Variants in RP1 observed in about 807,000 individuals in gnomAD.
The protein encoded by RP1 is RP1 axonemal microtubule associated, also known as oxygen-regulated protein 1.
RP1 carries 16 observed loss-of-function variants against 14.8 expected under a neutral mutation model. That is an observed-to-expected ratio of 1.08 (90% CI 0.73 to 1.65). The LOEUF (loss-of-function observed/expected upper bound fraction) is 1.65. Among genes scored for constraint, RP1 ranks in the 40% most tolerant of loss-of-function variants. RP1 has a pLI of 0.00. For missense variants in RP1, 2,631 were observed against 2,535.0 expected (o/e 1.04, Z -0.81); for synonymous variants, 876 against 883.6 (o/e 0.99, Z 0.15).
Position 54,809,371 on chromosome 8 carries a change from A to T in RP1, c.3615+25661A>T, listed in dbSNP as rs149489655. ...ATGTATATGCTTCCAAAAGAGGCCA[A>T]ATTCTCACAGGATATCAAAATAGCC... On this transcript the variant is annotated intron_variant, in intron 24 of 28. Transcript: ENST00000637698. Among the ~76,000 whole-genome samples the T allele has an allele frequency of 3.0e-3, 457 of 152,346 alleles. 3 individuals carry two copies. The highest frequency in any genetic ancestry group is 0.011 in the African/African-American group (438 of 41,584).
intron 14 of RP1, among the ~76,000 whole-genome samples, chr8:54,705,282 A>G (rs1304760159): frequency 1.3e-5 from 2 of 152,230 alleles, no homozygotes; most frequent in African/African-American, 2.4e-5. Context: ...AAATTGGCTA[A>G]GCAAAGAGAC....
intron 1 of RP1, among the ~76,000 whole-genome samples, chr8:54,606,136 T>C (rs1805435737): frequency 6.6e-6 from 1 of 152,146 alleles, no homozygotes; most frequent in Admixed American, 6.5e-5. Flanking sequence ...TCTTCCTAAC[T>C]TTGATGGTCC....
intron 24 of RP1, among the ~76,000 whole-genome samples, chr8:54,795,724 T>C (rs1311669528): frequency 6.6e-6 from 1 of 152,196 alleles, no homozygotes. Flanking sequence ...TCTTTATTTG[T>C]GGACTTGATC....
chr8:54,819,928 G>T (rs1811217451), intron 24 of RP1, among the ~76,000 whole-genome samples: 1 of 152,062 alleles, frequency 6.6e-6, no homozygotes, highest in Non-Finnish European at 1.5e-5. Flanking sequence ...ATATAGTACT[G>T]GGTCTCACGC....
At chr8:54,575,752 C>A (rs1445843998) in intron 1 of RP1, among the ~76,000 whole-genome samples, 1 of 152,006 alleles carries the variant, frequency 6.6e-6, no homozygotes, top group South Asian at 2.1e-4. Context: ...AGCTCAGTAC[C>A]CAATAGTTAT....
At chr8:54,716,123 TTTA>T (rs1409595771) in intron 15 of RP1, among the ~76,000 whole-genome samples, 1 of 152,206 alleles carries the variant, frequency 6.6e-6, no homozygotes, top group African/African-American at 2.4e-5. Flanking sequence ...GATGTGCTAG[TTTA>T]TTGAGAACCG....
intron 19 of RP1, among the ~76,000 whole-genome samples, chr8:54,746,199 C>T (rs1157445490): frequency 6.6e-6 from 1 of 152,156 alleles, no homozygotes; most frequent in African/African-American, 2.4e-5. Context: ...TGTTTCTAAA[C>T]AAGTGTTTGT....
intron 1 of RP1, among the ~76,000 whole-genome samples, chr8:54,595,948 C>T (rs1354116300): frequency 6.6e-6 from 1 of 152,020 alleles, no homozygotes; most frequent in Non-Finnish European, 1.5e-5. Flanking sequence ...TTTCATTTAG[C>T]AAATAAATTA....
At chr8:54,751,902 T>G (rs1040276431) in intron 19 of RP1, among the ~76,000 whole-genome samples, 1 of 152,172 alleles carries the variant, frequency 6.6e-6, no homozygotes, top group South Asian at 2.1e-4. Context: ...TTCAGTGGTG[T>G]TCGTGGGGTT....
At chr8:54,705,674 C>T (rs920754638) in intron 14 of RP1, among the ~76,000 whole-genome samples, 1 of 152,158 alleles carries the variant, frequency 6.6e-6, no homozygotes, top group Admixed American at 6.6e-5. Flanking sequence ...GGTCAGACTT[C>T]TCTGGGTAAA....
At chr8:54,590,803 T>A (rs1433577319) in intron 1 of RP1, among the ~76,000 whole-genome samples, 1 of 152,204 alleles carries the variant, frequency 6.6e-6, no homozygotes, top group Non-Finnish European at 1.5e-5. Context: ...GATAGCCAAC[T>A]GTCTACCTGA....
chr8:54,625,040 A>C lies in RP1; in HGVS notation c.1158A>C (p.Ser386=), dbSNP rs765680798. 6.2e-7 allele frequency: 1 copy of C among 1,614,222 alleles called. No individual in the cohort carries two copies. ...CTGGTTTAAAGCTTGCAGCATGTTCATTCTCTGCAGATGTGTCACCTATGG... is the reference window on the plus strand; with the variant it reads ...CTGGTTTAAAGCTTGCAGCATGTTCCTTCTCTGCAGATGTGTCACCTATGG... The part of the protein sequence containing the change: ...RSSGLKLAAC[S]FSADVSPMER... Residue 386 remains serine (S), a synonymous_variant, in exon 4 of 4, where the codon TCA becomes TCC. Coordinates refer to ENST00000220676, the MANE Select transcript of RP1 (RefSeq NM_006269.2).
rs1805019462 is a variant in RP1 at position 54,590,390 on chromosome 8, C to T, written c.-12-30565C>T. ...GTCTTCTACCACTCCACTACTGTGGCCATTGTCAAGCTCACCAATGACCTC... is the reference window on the plus strand; with the variant it reads ...GTCTTCTACCACTCCACTACTGTGGTCATTGTCAAGCTCACCAATGACCTC... On this transcript the variant is annotated intron_variant, in intron 1 of 22. Coordinates refer to the RP1 transcript ENST00000636932. Among the ~76,000 whole-genome samples, 3 of 152,134 alleles carry T rather than the reference C, an allele frequency of 2.0e-5. No individual in the cohort carries two copies. The South Asian group carries it at 6.2e-4, about 32-fold the overall frequency.
chr8:54,863,043 G>GGATA (rs1554541273), intron 27 of RP1, among the ~76,000 whole-genome samples: 3 of 42,804 alleles, frequency 7.0e-5, no homozygotes, highest in Non-Finnish European at 1.3e-4. Context: ...TATTCCAAAT[G>GGATA]GATATATATA....
At chr8:54,862,305 A>C (rs977929366) in intron 27 of RP1, among the ~76,000 whole-genome samples, 1 of 152,180 alleles carries the variant, frequency 6.6e-6, no homozygotes, top group African/African-American at 2.4e-5. Flanking sequence ...CTATTACGTC[A>C]TATGCTCGCC....
Position 54,629,625 on chromosome 8 carries a change from G to A in RP1, c.5743G>A (p.Gly1915Ser). 3.1e-6 allele frequency: 5 copies of A among 1,613,840 alleles called. No individual in the cohort carries two copies. The highest frequency in any genetic ancestry group is 4.2e-6 in the Non-Finnish European group (5 of 1,179,986). The part of the protein sequence containing the change: ...DSLDKLYALC[G>S]QHCPILTVII... ...TTTGGATAAACTGTATGCTCTTTGT[G>A]GTCAACATTGCCCAATACTAACTGT... The change falls in exon 4 of 4, where the codon GGT becomes AGT. Residue 1915 changes from glycine to serine, a missense_variant. Coordinates refer to ENST00000220676, the MANE Select transcript of RP1 (RefSeq NM_006269.2).
intron 24 of RP1, among the ~76,000 whole-genome samples, chr8:54,810,418 T>A (rs754059430): frequency 9.9e-5 from 15 of 152,182 alleles, no homozygotes; most frequent in Non-Finnish European, 2.2e-4. Flanking sequence ...CACTCTATCT[T>A]TTGCTTCTTG....
intron 24 of RP1, among the ~76,000 whole-genome samples, chr8:54,786,573 C>A (rs926535387): frequency 6.6e-6 from 1 of 152,006 alleles, no homozygotes; most frequent in East Asian, 1.9e-4. Flanking sequence ...TATGTTTCTA[C>A]CAATGTTCGT....
chr8:54,760,881 C>T (rs1809622037), intron 22 of RP1, among the ~76,000 whole-genome samples: 1 of 152,090 alleles, frequency 6.6e-6, no homozygotes, highest in South Asian at 2.1e-4. Flanking sequence ...GATTTTTTCT[C>T]TTCTCTCAAT....
Sources: allele counts gnomAD v4.1 joint callset (sites outside exome capture counted in the v4.1 genomes callset), GRCh38; gene constraint gnomAD v4.1.1; transcripts MANE v1.5; gene names NCBI Gene and HGNC (gene_info 2026-07-23, HGNC 2026-07-21).